ZFHX4: variants seen among roughly 807,000 people sequenced by gnomAD.
ZFHX4 encodes the protein zinc finger homeobox protein 4.
Under a neutral mutation model 267.6 loss-of-function variants are expected in ZFHX4, and 56 were observed. The observed-to-expected ratio is 0.21, with a 90% CI of 0.17 to 0.26. The LOEUF is 0.26. Among genes scored for constraint, ZFHX4 ranks in the 10% least tolerant of loss-of-function variants. ZFHX4 has a pLI of 1.00. For synonymous variants in ZFHX4, 1,778 were observed against 1,665.6 expected, an observed-to-expected ratio of 1.07 and a Z score of -1.64; for missense variants, 4,332 against 4,420.0, an observed-to-expected ratio of 0.98 and a Z score of 0.56.
chr8:76,780,682 A>G (rs1402322045), intron 4 of ZFHX4, among the ~76,000 whole-genome samples: 1 of 152,154 alleles, frequency 6.6e-6, no homozygotes, highest in Non-Finnish European at 1.5e-5. Context: ...TTTCAGAGAT[A>G]AGGATAGATA....
At chr8:76,748,946 T>C (rs368172268) in intron 3 of ZFHX4, among the ~76,000 whole-genome samples, 3 of 152,350 alleles carry the variant, frequency 2.0e-5, no homozygotes, top group South Asian at 4.1e-4. Context: ...TTATAACTTA[T>C]TTATTTATAA....
chr8:76,753,036 T>C (rs1042764545), intron 3 of ZFHX4, among the ~76,000 whole-genome samples: 2 of 152,244 alleles, frequency 1.3e-5, no homozygotes, highest in Admixed American at 6.5e-5. Context: ...ATGTGCATTC[T>C]TTGTAGAGAT....
intron 5 of ZFHX4, 143 bp downstream of exon 5, chr8:76,833,549 A>C: frequency 1.7e-6 from 1 of 604,462 alleles, no homozygotes; most frequent in Non-Finnish European, 2.8e-6. Flanking sequence ...AGTAAAAAGC[A>C]AAATGAAATA....
chr8:76,817,601 A>G (rs1015726181), intron 4 of ZFHX4, among the ~76,000 whole-genome samples: 4 of 152,224 alleles, frequency 2.6e-5, no homozygotes, highest in African/African-American at 7.2e-5. Flanking sequence ...CAACTTGCAC[A>G]TTCACAAACC....
Position 76,853,019 on chromosome 8 carries a change from C to T in ZFHX4, c.6098C>T (p.Thr2033Ile). The change falls in exon 10 of 11, where the codon ACT becomes ATT. Residue 2033 changes from threonine (T) to isoleucine (I), a missense_variant. Physicochemically the swap from Thr to Ile is moderately conservative, Grantham distance 89. Transcript: ENST00000651372. ...GPVKIPNTVSTPLQAPPPTPP... is the reference protein window; with the variant it reads ...GPVKIPNTVSIPLQAPPPTPP... ...GTAAAGATCCCCAACACGGTTTCTA[C>T]TCCTCTGCAAGCTCCACCACCCACT... 1 of 1,517,910 alleles carries T rather than the reference C, an allele frequency of 6.6e-7. No individual in the cohort carries two copies. The highest frequency in any genetic ancestry group is 8.9e-7 in the Non-Finnish European group (1 of 1,119,252). 94.0% of individuals were successfully genotyped at this position (1,517,910 alleles called of 1,614,324 possible).
Position 76,851,923 on chromosome 8 carries a change from A to G in ZFHX4, c.5002A>G (p.Lys1668Glu), listed in dbSNP as rs1158190961. Residue 1668 changes from lysine (K) to glutamate (E), a missense_variant, in exon 10 of 11, where the codon AAA (lysine) becomes GAA (glutamate). Transcript: ENST00000651372. Reference sequence around the variant, plus strand: ...CAGCAAAGATACCCATTTAGATGCCAAAGAATTAAATAAAAAGCAAACTCC... The same window carrying G: ...CAGCAAAGATACCCATTTAGATGCCGAAGAATTAAATAAAAAGCAAACTCC... Reference protein sequence around the residue: ...VNSKDTHLDAKELNKKQTPDL... With the variant: ...VNSKDTHLDAEELNKKQTPDL... 1.2e-6 allele frequency: 2 copies of G among 1,613,918 alleles called. No individual in the cohort carries two copies. The highest frequency in any genetic ancestry group is 8.5e-7 in the Non-Finnish European group (1 of 1,179,880).
intron 3 of ZFHX4, among the ~76,000 whole-genome samples, chr8:76,772,403 G>A (rs540154565): frequency 4.0e-4 from 61 of 152,236 alleles, no homozygotes; most frequent in South Asian, 2.5e-3. Flanking sequence ...ACTTGACCTC[G>A]TTAATGGTAG....
intron 1 of ZFHX4, among the ~76,000 whole-genome samples, chr8:76,692,093 C>T (rs982571938): frequency 2.0e-5 from 3 of 152,098 alleles, no homozygotes; most frequent in African/African-American, 7.2e-5. Flanking sequence ...TCACTACAAG[C>T]TGGTTTGGTC....
chr8:76,782,659 C>T (rs190788195), intron 4 of ZFHX4, among the ~76,000 whole-genome samples: 358 of 151,966 alleles, frequency 2.4e-3, no homozygotes, highest in African/African-American at 8.2e-3. Flanking sequence ...TGAAGACTAT[C>T]GACATTCCTG....
At chr8:76,685,386 T>A (rs188934005) in intron 1 of ZFHX4, among the ~76,000 whole-genome samples, 1 of 152,186 alleles carries the variant, frequency 6.6e-6, no homozygotes, top group African/African-American at 2.4e-5. Context: ...AATCTTTCAC[T>A]GCAGAATGGC....
intron 3 of ZFHX4, among the ~76,000 whole-genome samples, chr8:76,762,257 A>C (rs2131732004): frequency 6.6e-6 from 1 of 152,292 alleles, no homozygotes; most frequent in Non-Finnish European, 1.5e-5. Context: ...TCAGGAGAAA[A>C]GAAAAAGGTA....
In ZFHX4 at chr8:76,745,704, A is replaced by G. The variant is rs375621026; in HGVS notation, c.3094-32504A>G. Among the ~76,000 whole-genome samples, 4 of 152,188 alleles carry G rather than the reference A, an allele frequency of 2.6e-5. 1 individual carries two copies. The East Asian group carries it at 7.7e-4, about 29-fold the overall frequency. ...AGAACATTTGATAAATATGCCTTTC[A>G]TAATATTATGTACAGAAAAGCTTAT... On this transcript the variant is annotated intron_variant, in intron 3 of 10. Transcript: ENST00000651372.
At chr8:76,750,003 A>G (rs1726516831) in intron 3 of ZFHX4, among the ~76,000 whole-genome samples, 1 of 152,170 alleles carries the variant, frequency 6.6e-6, no homozygotes, top group African/African-American at 2.4e-5. Context: ...TTTTCTTACC[A>G]AACTGATAAT....
At chr8:76,822,728 ACCACT>A (rs2131868419) in intron 4 of ZFHX4, among the ~76,000 whole-genome samples, 1 of 152,124 alleles carries the variant, frequency 6.6e-6, no homozygotes, top group African/African-American at 2.4e-5. Flanking sequence ...GGCATGAGGC[ACCACT>A]CCCAGCTCCT....
chr8:76,852,687 T>G lies in ZFHX4; in HGVS notation c.5766T>G (p.Ile1922Met). 1 of 1,613,852 alleles carries G rather than the reference T, an allele frequency of 6.2e-7. No individual in the cohort carries two copies. The change falls in exon 10 of 11, where the codon ATT becomes ATG. Residue 1922 changes from isoleucine to methionine, a missense_variant. Ile to Met is a conservative substitution (Grantham distance 10). Coordinates refer to ENST00000651372, the MANE Select transcript of ZFHX4 (RefSeq NM_024721.5). ...AAAACTTTGGTTTTGAACTGGTCATTCAGTATAACGAAAACAGGCAGAAGG... is the reference window on the plus strand; with the variant it reads ...AAAACTTTGGTTTTGAACTGGTCATGCAGTATAACGAAAACAGGCAGAAGG... ...LLENFGFELV[I>M]QYNENRQKVQ...
intron 6 of ZFHX4, among the ~76,000 whole-genome samples, chr8:76,844,227 C>T (rs916912595): frequency 2.6e-5 from 4 of 152,224 alleles, no homozygotes. Context: ...ATCAAATTAG[C>T]TGCTTGCCTG....
chr8:76,850,663 C>T (rs1812489973), intron 9 of ZFHX4, among the ~76,000 whole-genome samples: 3 of 152,178 alleles, frequency 2.0e-5, no homozygotes, highest in Admixed American at 6.5e-5. Flanking sequence ...GACTTGCTTT[C>T]TTCCCTTTTC....
At chr8:76,830,021 T>G (rs1351103789) in intron 4 of ZFHX4, among the ~76,000 whole-genome samples, 3 of 152,178 alleles carry the variant, frequency 2.0e-5, no homozygotes, top group African/African-American at 7.2e-5. Flanking sequence ...TATAGTTCAA[T>G]GTATCATTGT....
intron 3 of ZFHX4, among the ~76,000 whole-genome samples, chr8:76,743,735 T>C (rs1429102397): frequency 6.6e-6 from 1 of 152,214 alleles, no homozygotes; most frequent in Non-Finnish European, 1.5e-5. Context: ...TCAACATAGC[T>C]GTATGCAAAC....
Sources: allele counts gnomAD v4.1 joint callset (sites outside exome capture counted in the v4.1 genomes callset), GRCh38; gene constraint gnomAD v4.1.1; transcripts MANE v1.5; gene names NCBI Gene and HGNC (gene_info 2026-07-23, HGNC 2026-07-21).